BCO2: variants seen among roughly 807,000 people sequenced by gnomAD.
BCO2 encodes carotenoid-cleaving dioxygenase, mitochondrial.
BCO2 carries 56 observed loss-of-function variants against 65.8 expected under a neutral mutation model. The ratio of observed to expected loss-of-function variants is 0.85; its 90% CI spans 0.69 to 1.06. The LOEUF (loss-of-function observed/expected upper bound fraction) is 1.06, where lower values mean the gene tolerates loss of function less well. BCO2 is among the 50% of genes least tolerant of loss of function. The pLI, the probability that BCO2 is intolerant of heterozygous loss-of-function variation, is 0.00. For missense variants in BCO2, 675 were observed against 698.5 expected (o/e 0.97, Z 0.38); for synonymous variants, 233 against 242.3 (o/e 0.96, Z 0.36).
intron 5 of BCO2, among the ~76,000 whole-genome samples, chr11:112,198,685 T>G (rs551512737): frequency 6.6e-6 from 1 of 152,116 alleles, no homozygotes; most frequent in East Asian, 1.9e-4. Flanking sequence ...AGATGAATGA[T>G]TGCATGAAAG....
rs932910609 is a variant in BCO2, at chr11:112,199,790, T to C, written c.828T>C (p.Ser276=). Residue 276 remains serine, a synonymous_variant, in exon 6 of 12, where the codon TCT becomes TCC. Coordinates refer to ENST00000357685, the MANE Select transcript of BCO2 (RefSeq NM_031938.7). ...TCCAGGTGATATGTTCTATTGCTTCTACAGAGAAAGGGAAACCTTCTTACT... is the reference window on the plus strand; with the variant it reads ...TCCAGGTGATATGTTCTATTGCTTCCACAGAGAAAGGGAAACCTTCTTACT... ...HGVQVICSIA[S]TEKGKPSYYH... 1.2e-6 allele frequency: 2 copies of C among 1,613,968 alleles called. No individual in the cohort carries two copies. Among genetic ancestry groups the C allele is most frequent in the African/African-American group, 2.7e-5 (2 of 74,930 alleles).
intron 4 of BCO2, chr11:112,194,300 T>G: frequency 4.8e-6 from 2 of 414,924 alleles, no homozygotes; most frequent in Non-Finnish European, 8.6e-6. Flanking sequence ...AGTATTGGAC[T>G]GGAGGTTGTC....
rs949100013 is a variant in BCO2, at chr11:112,215,064, C to A, written c.1515+120C>A. Reference sequence around the variant, plus strand: ...AGTATTTAAGCAGCTGAGCCATTTTCTTTTATTTGAGAACTATGAAATCAT... The same window carrying A: ...AGTATTTAAGCAGCTGAGCCATTTTATTTTATTTGAGAACTATGAAATCAT... On this transcript the variant is annotated intron_variant, in intron 10 of 11. Coordinates refer to ENST00000357685, the MANE Select transcript of BCO2 (RefSeq NM_031938.7). 27 of 1,001,444 alleles carry A rather than the reference C, an allele frequency of 2.7e-5. No individual in the cohort carries two copies. The African/African-American group carries it at 3.9e-4, about 14-fold the overall frequency. 62.0% of individuals were successfully genotyped at this position (1,001,444 alleles called of 1,614,324 possible). A position where few individuals can be genotyped will look rare whatever the true frequency, so the allele number is the denominator to read the frequency against.
intron 10 of BCO2, chr11:112,215,377 T>TC: frequency 5.4e-6 from 1 of 186,812 alleles, no homozygotes; most frequent in South Asian, 1.1e-4. Context: ...CTGTTCTGTG[T>TC]TGTTATAAAG....
At chr11:112,206,202 G>A (rs1474283454) in intron 8 of BCO2, among the ~76,000 whole-genome samples, 3 of 150,832 alleles carry the variant, frequency 2.0e-5, no homozygotes, top group Non-Finnish European at 3.0e-5. Context: ...CAGACAATGT[G>A]GGGGCCAGGC....
At chr11:112,194,194 C>T (rs994219507) in intron 4 of BCO2, 200 bp downstream of exon 4, 1 of 529,704 alleles carries the variant, frequency 1.9e-6, no homozygotes, top group Admixed American at 3.1e-5. Flanking sequence ...TTCTAAACTC[C>T]TTCCTTAGTC....
In BCO2 at chr11:112,195,237, C is replaced by T. The variant is rs529729726; in HGVS notation, c.736+482C>T. Among the ~76,000 whole-genome samples the T allele has an allele frequency of 6.1e-5, 9 of 146,410 alleles. No individual in the cohort carries two copies. In the South Asian group the frequency reaches 6.4e-4, roughly 10 times the overall value. On this transcript the variant is annotated intron_variant, in intron 5 of 11. Coordinates refer to ENST00000357685, the MANE Select transcript of BCO2 (RefSeq NM_031938.7). Reference sequence around the variant, plus strand: ...GCAACCTCTGCCTCCCAGGTTCAAGCGATTCTCCTGCCTCAGCCACTGGAG... The same window carrying T: ...GCAACCTCTGCCTCCCAGGTTCAAGTGATTCTCCTGCCTCAGCCACTGGAG...
chr11:112,178,438 A>T (rs1002346852), intron 1 of BCO2, among the ~76,000 whole-genome samples: 4 of 152,206 alleles, frequency 2.6e-5, no homozygotes, highest in Non-Finnish European at 4.4e-5. Flanking sequence ...CTTCAGAGTA[A>T]TAGTGTCCCT....
At chr11:112,175,987 C>A in intron 1 of BCO2, 1 of 263,036 alleles carries the variant, frequency 3.8e-6, no homozygotes, top group Non-Finnish European at 7.3e-6. Context: ...AATATTTAGG[C>A]TTTTCTAAAT....
chr11:112,180,783 T>A, intron 2 of BCO2: 2 of 976,856 alleles, frequency 2.0e-6, no homozygotes, highest in South Asian at 2.6e-5. Flanking sequence ...ATGAGGCGGA[T>A]GACCCTGTTC....
At chr11:112,189,316 T>C (rs1026535177) in intron 2 of BCO2, among the ~76,000 whole-genome samples, 9 of 151,684 alleles carry the variant, frequency 5.9e-5, no homozygotes, top group African/African-American at 2.2e-4. Context: ...AGGAAAGGAG[T>C]TCGAGACCAG....
At chr11:112,198,698 T>C (rs996555917) in intron 5 of BCO2, among the ~76,000 whole-genome samples, 1 of 151,896 alleles carries the variant, frequency 6.6e-6, no homozygotes, top group African/African-American at 2.4e-5. Context: ...CATGAAAGAA[T>C]GTTGATGAGA....
chr11:112,188,375 G>T (rs1402678244), intron 2 of BCO2, among the ~76,000 whole-genome samples: 3 of 152,162 alleles, frequency 2.0e-5, no homozygotes, highest in Non-Finnish European at 4.4e-5. Flanking sequence ...TTGAATTATT[G>T]CCTGGGCTCC....
chr11:112,211,528 G>A (rs1288309406), intron 8 of BCO2, among the ~76,000 whole-genome samples: 1 of 151,916 alleles, frequency 6.6e-6, no homozygotes, highest in Non-Finnish European at 1.5e-5. Flanking sequence ...TTAACTTTTT[G>A]AGGAACAACC....
In BCO2 at chr11:112,214,940, T is replaced by C. The variant is rs1041142833; in HGVS notation, c.1511T>C (p.Leu504Pro). The change falls in exon 10 of 12, where the codon CTG becomes CCG. Residue 504 changes from leucine (L) to proline (P), a missense_variant. By Grantham distance (98) the Leu-to-Pro change is moderately conservative. Coordinates refer to ENST00000357685, the MANE Select transcript of BCO2 (RefSeq NM_031938.7). ...AAGGTTGATGTGGTGAATAAGACAC[T>C]GAAGGTGATGAAAAACTCTTTCCTT... is the stretch of plus-strand genomic sequence containing the variant. ...LIKVDVVNKT[L>P]KVWREDGFYP... 4.3e-6 allele frequency: 7 copies of C among 1,614,002 alleles called. No individual in the cohort carries two copies. The highest frequency in any genetic ancestry group is 3.3e-5 in the Admixed American group (2 of 60,004).
intron 1 of BCO2, among the ~76,000 whole-genome samples, 173 bp from the exon 2 acceptor site, chr11:112,179,105 G>A (rs919813596): frequency 2.7e-5 from 4 of 149,088 alleles, no homozygotes; most frequent in African/African-American, 5.0e-5. Context: ...GAACCAAAGC[G>A]TTGATAGTCT....
chr11:112,178,533 ATTAT>A (rs1866944534), intron 1 of BCO2, among the ~76,000 whole-genome samples: 1 of 152,316 alleles, frequency 6.6e-6, no homozygotes, highest in East Asian at 1.9e-4. Flanking sequence ...ATAGCACTTA[ATTAT>A]TTATTTGACC....
At chr11:112,194,581 G>A in intron 4 of BCO2, 72 bp from the exon 5 acceptor site, 1 of 887,152 alleles carries the variant, frequency 1.1e-6, no homozygotes, top group Non-Finnish European at 1.8e-6. Context: ...AAAAACATTA[G>A]ATATTTCTAC....
chr11:112,213,832 G>C lies in BCO2; in HGVS notation c.1303G>C (p.Ala435Pro). ...CCTGAGTCCATTGTCCTATACTTCA[G>C]CCAGTGCTGTGAAACAGGCTGATGG... ...DNLSPLSYTS[A>P]SAVKQADGTI... Residue 435 changes from alanine to proline, a missense_variant, in exon 9 of 12, where the codon GCC becomes CCC. Transcript: ENST00000357685. The C allele has an allele frequency of 6.3e-7, 1 of 1,590,196 alleles. No individual in the cohort carries two copies. The highest frequency in any genetic ancestry group is 8.6e-7 in the Non-Finnish European group (1 of 1,168,620).
Sources: allele counts gnomAD v4.1 joint callset (sites outside exome capture counted in the v4.1 genomes callset), GRCh38; gene constraint gnomAD v4.1.1; transcripts MANE v1.5; gene names NCBI Gene and HGNC (gene_info 2026-07-23, HGNC 2026-07-21).